Variants in MGAT4C observed in about 807,000 individuals in gnomAD.
MGAT4C encodes alpha-1,3-mannosyl-glycoprotein 4-beta-N-acetylglucosaminyltransferase C.
Under a neutral mutation model 40.1 loss-of-function variants are expected in MGAT4C, and 19 were observed. That is an observed-to-expected ratio of 0.47 (90% CI 0.33 to 0.70). The LOEUF is 0.70. MGAT4C is among the 30% of genes least tolerant of loss of function. MGAT4C has a pLI of 0.02. For synonymous variants in MGAT4C, 181 were observed against 187.1 expected, an observed-to-expected ratio of 0.97 and a Z score of 0.27; for missense variants, 491 against 563.2, an observed-to-expected ratio of 0.87 and a Z score of 1.30.
chr12:86,323,460 A>G (rs1364238206), intron 4 of MGAT4C, among the ~76,000 whole-genome samples: 2 of 151,742 alleles, frequency 1.3e-5, no homozygotes, highest in African/African-American at 4.8e-5. Flanking sequence ...CACAATATTT[A>G]TTTAGGATCG....
chr12:86,139,876 T>C (rs1053419736), intron 1 of MGAT4C, among the ~76,000 whole-genome samples: 4 of 152,202 alleles, frequency 2.6e-5, no homozygotes, highest in African/African-American at 9.6e-5. Context: ...TTAAGAGTCA[T>C]CCATTCCTCA....
intron 1 of MGAT4C, among the ~76,000 whole-genome samples, chr12:86,255,677 C>A (rs1384069855): frequency 6.6e-6 from 1 of 152,026 alleles, no homozygotes; most frequent in Non-Finnish European, 1.5e-5. Flanking sequence ...ATTATTATTT[C>A]CAAATATTTA....
intron 1 of MGAT4C, among the ~76,000 whole-genome samples, chr12:86,071,411 T>A (rs1868433482): frequency 6.6e-6 from 1 of 152,100 alleles, no homozygotes; most frequent in Non-Finnish European, 1.5e-5. Context: ...ATTTATGAAA[T>A]GTGCTTTGTA....
intron 2 of MGAT4C, among the ~76,000 whole-genome samples, chr12:86,559,224 A>G (rs1467127835): frequency 6.6e-6 from 1 of 151,966 alleles, no homozygotes; most frequent in African/African-American, 2.4e-5. Context: ...AATACTCAGA[A>G]CTTCAACACT....
intron 4 of MGAT4C, among the ~76,000 whole-genome samples, chr12:86,325,154 A>G (rs1455536542): frequency 3.3e-5 from 5 of 152,134 alleles, no homozygotes; most frequent in Admixed American, 3.3e-4. Context: ...GTAAGTATAC[A>G]TTCAAGTACA....
At chr12:86,823,801 AT>A (rs1238348419) in intron 1 of MGAT4C, among the ~76,000 whole-genome samples, 1 of 151,314 alleles carries the variant, frequency 6.6e-6, no homozygotes, top group African/African-American at 2.4e-5. Context: ...CTAGTAAGTG[AT>A]ATGCAGAAAA....
At chr12:86,712,239 C>G (rs556376196) in intron 2 of MGAT4C, among the ~76,000 whole-genome samples, 1 of 152,022 alleles carries the variant, frequency 6.6e-6, no homozygotes, top group East Asian at 1.9e-4. Flanking sequence ...TGTATACATA[C>G]AGAATTTATG....
At chr12:86,151,589 C>G (rs1369171460) in intron 1 of MGAT4C, among the ~76,000 whole-genome samples, 1 of 149,658 alleles carries the variant, frequency 6.7e-6, no homozygotes, top group African/African-American at 2.5e-5. Context: ...GAGCGAGACT[C>G]TGTCTCAAAA....
At chr12:86,490,459 C>T (rs1322164670) in intron 2 of MGAT4C, among the ~76,000 whole-genome samples, 1 of 152,082 alleles carries the variant, frequency 6.6e-6, no homozygotes, top group African/African-American at 2.4e-5. Flanking sequence ...GTACCAGCCA[C>T]TGCAAAATCA....
At chr12:86,355,536 A>G (rs927181363) in intron 3 of MGAT4C, among the ~76,000 whole-genome samples, 3 of 152,204 alleles carry the variant, frequency 2.0e-5, no homozygotes, top group African/African-American at 7.2e-5. Flanking sequence ...AAACAAAGAT[A>G]AATGTAAAAC....
chr12:86,571,762 C>CA, intron 2 of MGAT4C, among the ~76,000 whole-genome samples: 1 of 152,036 alleles, frequency 6.6e-6, no homozygotes, highest in East Asian at 1.9e-4. Flanking sequence ...TAGGAAAACT[C>CA]AAAGACAATC....
intron 1 of MGAT4C, among the ~76,000 whole-genome samples, chr12:86,173,469 A>C (rs537526768): frequency 6.6e-6 from 1 of 152,222 alleles, no homozygotes; most frequent in East Asian, 1.9e-4. Context: ...TTTTTATTCA[A>C]AATATTGTTT....
chr12:86,304,644 A>G (rs889391395), intron 4 of MGAT4C, among the ~76,000 whole-genome samples: 1 of 150,716 alleles, frequency 6.6e-6, no homozygotes, highest in African/African-American at 2.5e-5. Flanking sequence ...TTTTAACCCT[A>G]TGTACCTGTG....
At chr12:86,372,001 A>AT (rs928470710) in intron 3 of MGAT4C, among the ~76,000 whole-genome samples, 13 of 151,062 alleles carry the variant, frequency 8.6e-5, no homozygotes, top group East Asian at 1.9e-4. Flanking sequence ...GTTAATGAAG[A>AT]TTTTTTTTTC....
At chr12:86,407,773 A>T (rs897811597) in intron 3 of MGAT4C, among the ~76,000 whole-genome samples, 1 of 152,100 alleles carries the variant, frequency 6.6e-6, no homozygotes, top group Non-Finnish European at 1.5e-5. Flanking sequence ...GTAGAAAGAC[A>T]ACGTTTTTTC....
At chr12:86,004,174 T>C (rs1371987294) in intron 2 of MGAT4C, among the ~76,000 whole-genome samples, 1 of 152,196 alleles carries the variant, frequency 6.6e-6, no homozygotes. Flanking sequence ...GTTTATTTAA[T>C]TGATACATTG....
At chr12:86,444,277 T>C (rs1444568862) in intron 2 of MGAT4C, among the ~76,000 whole-genome samples, 3 of 152,178 alleles carry the variant, frequency 2.0e-5, no homozygotes, top group African/African-American at 7.2e-5. Context: ...TTTCATACCA[T>C]GCAAAGCCTT....
At chr12:86,453,273 T>C (rs1957457303) in intron 2 of MGAT4C, among the ~76,000 whole-genome samples, 1 of 152,088 alleles carries the variant, frequency 6.6e-6, no homozygotes, top group Non-Finnish European at 1.5e-5. Context: ...CATTACAATG[T>C]CAGAAAGTAT....
intron 3 of MGAT4C, among the ~76,000 whole-genome samples, chr12:86,421,685 G>C (rs1006618118): frequency 1.2e-4 from 18 of 152,186 alleles, no homozygotes; most frequent in African/African-American, 4.3e-4. Flanking sequence ...GCTGAGGCAG[G>C]AGAATCGCTT....
Sources: gnomAD v4.1 joint callset for allele counts (sites outside exome capture counted in the v4.1 genomes callset) on GRCh38, gnomAD v4.1.1 for gene constraint, MANE v1.5 for transcripts, NCBI Gene and HGNC (gene_info 2026-07-23, HGNC 2026-07-21) for gene names.